Variants in SLC24A2 observed in about 807,000 individuals in gnomAD.
SLC24A2 encodes sodium/potassium/calcium exchanger 2.
A neutral mutation model predicts 62.0 loss-of-function variants in SLC24A2; 36 were observed. The ratio of observed to expected loss-of-function variants is 0.58; its 90% CI spans 0.44 to 0.77. The LOEUF is 0.77. Ranked by LOEUF, SLC24A2 falls within the 30% of genes least tolerant of loss-of-function variation. SLC24A2 has a pLI of 0.00. For synonymous variants in SLC24A2, 358 were observed against 294.0 expected, an observed-to-expected ratio of 1.22 and a Z score of -2.23; for missense variants, 846 against 817.9, an observed-to-expected ratio of 1.03 and a Z score of -0.42.
chr9:19,676,104 A>C (rs1324446688), intron 2 of SLC24A2, among the ~76,000 whole-genome samples: 3 of 152,140 alleles, frequency 2.0e-5, no homozygotes, highest in African/African-American at 7.2e-5. Context: ...TCTCAGCTCC[A>C]AGTAAGGTCA....
the SLC24A2 span, among the ~76,000 whole-genome samples, chr9:20,007,877 C>CTTTTTT: frequency 5.0e-5 from 4 of 79,506 alleles, no homozygotes; most frequent in African/African-American, 2.2e-4. Flanking sequence ...TCTTACTCCT[C>CTTTTTT]TCTTTTTTTT....
At chr9:19,551,416 G>C (rs971040810) in intron 7 of SLC24A2, among the ~76,000 whole-genome samples, 1 of 152,124 alleles carries the variant, frequency 6.6e-6, no homozygotes, top group African/African-American at 2.4e-5. Context: ...GGGAGGGTCT[G>C]GGCCCAGCAG....
rs1169522425 is a variant in SLC24A2, at chr9:19,513,206, A to G, written c.*2947T>C. ...TATATATATATGTATATATTTATAT[A>G]TGTATATACACAGGCATGCAGGAAA... On this transcript the variant is annotated 3_prime_UTR_variant, in exon 11 of 11. Transcript: ENST00000341998. 4 of 144,900 alleles carry G rather than the reference A, an allele frequency of 2.8e-5. No individual in the cohort carries two copies. Among genetic ancestry groups the G allele is most frequent in the Non-Finnish European group, 6.0e-5 (4 of 67,156 alleles). 9.0% of individuals were successfully genotyped at this position (144,900 alleles called of 1,614,324 possible).
At chr9:20,066,876 G>T in the SLC24A2 span, among the ~76,000 whole-genome samples, 4 of 152,240 alleles carry the variant, frequency 2.6e-5, no homozygotes, top group African/African-American at 9.6e-5. Context: ...TGTTTCTGTT[G>T]AATTGACCTC....
the SLC24A2 span, among the ~76,000 whole-genome samples, chr9:20,136,040 T>C: frequency 6.6e-6 from 1 of 152,122 alleles, no homozygotes; most frequent in Non-Finnish European, 1.5e-5. Flanking sequence ...TGACAACCCC[T>C]CTTTGCATTT....
the SLC24A2 span, among the ~76,000 whole-genome samples, chr9:20,008,030 A>G: frequency 0.76 from 114,563 of 150,654 alleles, 43,641 homozygotes; most frequent in African/African-American, 0.78. Context: ...CGAGTAGCTG[A>G]GACTACAGGT....
rs543838368 is a variant in SLC24A2 at position 19,643,307 on chromosome 9, C to T, written c.931-21008G>A. 4.6e-5 allele frequency among the ~76,000 whole-genome samples: 7 copies of T among 152,210 alleles called. No individual in the cohort carries two copies. In the South Asian group the frequency reaches 1.2e-3, roughly 27 times the overall value. ...AACTATCTGCAGAGATCAAAGGACC[C>T]ATTATTCAGGCCAGATGTTTTCATG... On this transcript the variant is annotated intron_variant, in intron 2 of 10. Transcript: ENST00000341998.
the SLC24A2 span, among the ~76,000 whole-genome samples, chr9:20,236,605 C>G: frequency 2.0e-5 from 3 of 152,114 alleles, no homozygotes; most frequent in Non-Finnish European, 4.4e-5. Context: ...GGATCTAAAC[C>G]AATCAAGTCC....
intron 2 of SLC24A2, among the ~76,000 whole-genome samples, chr9:19,660,521 G>T (rs1482280796): frequency 6.6e-6 from 1 of 152,116 alleles, no homozygotes; most frequent in Non-Finnish European, 1.5e-5. Context: ...AAATTGGGAA[G>T]GACTGCTGTC....
the SLC24A2 span, among the ~76,000 whole-genome samples, chr9:19,894,525 A>T: frequency 2.6e-5 from 4 of 152,084 alleles, no homozygotes; most frequent in African/African-American, 9.7e-5. Flanking sequence ...TTTTATCTCT[A>T]GCATAATGTC....
chr9:19,974,407 T>G, the SLC24A2 span, among the ~76,000 whole-genome samples: 1 of 152,188 alleles, frequency 6.6e-6, no homozygotes, highest in African/African-American at 2.4e-5. Flanking sequence ...GCAGGGAGCC[T>G]TTGGCATTTC....
chr9:19,636,309 CTTTTCTTTTCTTTCTTT>C lies in SLC24A2; in HGVS notation c.931-14027_931-14011del, dbSNP rs1564009601. Among the ~76,000 whole-genome samples, 33 of 40,442 alleles carry C rather than the reference CTTTTCTTTTCTTTCTTT, an allele frequency of 8.2e-4. 2 individuals carry two copies. Among genetic ancestry groups the C allele is most frequent in the East Asian group, 3.0e-3 (4 of 1,342 alleles). The allele number at this position is 40,442 out of a possible 152,430, so 26.5% of individuals were successfully genotyped here. ...CTCTTCTTTTCTTTTCTTTTCTTTT[CTTTTCTTTTCTTTCTTT>C]CTTTCTTTCTTTCTTTCTTTCTTTC... On this transcript the variant is annotated intron_variant, in intron 2 of 10. Transcript: ENST00000341998.
the SLC24A2 span, among the ~76,000 whole-genome samples, chr9:20,220,208 C>T: frequency 6.6e-6 from 1 of 152,058 alleles, no homozygotes; most frequent in Non-Finnish European, 1.5e-5. Context: ...TCAATGACTG[C>T]AACCTATAAC....
At chr9:19,883,796 A>C in the SLC24A2 span, among the ~76,000 whole-genome samples, 5 of 151,966 alleles carry the variant, frequency 3.3e-5, no homozygotes, top group African/African-American at 9.7e-5. Flanking sequence ...TGATCTCCTG[A>C]CCTCGTGATC....
intron 5 of SLC24A2, among the ~76,000 whole-genome samples, chr9:19,596,917 G>A (rs946734343): frequency 6.6e-6 from 1 of 152,174 alleles, no homozygotes; most frequent in African/African-American, 2.4e-5. Context: ...TATGTTTTGT[G>A]AGCATGTGGG....
chr9:19,527,089 T>A (rs1833478637), intron 9 of SLC24A2, among the ~76,000 whole-genome samples: 1 of 152,224 alleles, frequency 6.6e-6, no homozygotes, highest in African/African-American at 2.4e-5. Context: ...CAGCATCATT[T>A]GTTGAAAAGT....
chr9:20,211,861 T>C, the SLC24A2 span, among the ~76,000 whole-genome samples: 3 of 152,140 alleles, frequency 2.0e-5, no homozygotes, highest in Admixed American at 2.0e-4. Flanking sequence ...ATTAAAGAGG[T>C]ATTGGTCAAA....
chr9:20,279,667 G>A, the SLC24A2 span, among the ~76,000 whole-genome samples: 2 of 152,196 alleles, frequency 1.3e-5, no homozygotes, highest in Admixed American at 1.3e-4. Flanking sequence ...TTGACTTGCA[G>A]AATTAAATGC....
the SLC24A2 span, among the ~76,000 whole-genome samples, chr9:19,871,371 G>C: frequency 6.6e-6 from 1 of 151,986 alleles, no homozygotes; most frequent in East Asian, 1.9e-4. Flanking sequence ...GGTTTGTTTA[G>C]CTTTATCCAA....
Sources: allele counts gnomAD v4.1 joint callset (sites outside exome capture counted in the v4.1 genomes callset), GRCh38; gene constraint gnomAD v4.1.1; transcripts MANE v1.5; gene names NCBI Gene and HGNC (gene_info 2026-07-23, HGNC 2026-07-21).